UTP25: variants seen among roughly 807,000 people sequenced by gnomAD.
The protein encoded by UTP25 is UTP25 small subunit processome component.
A neutral mutation model predicts 78.9 loss-of-function variants in UTP25; 50 were observed. That is an observed-to-expected ratio of 0.63 (90% CI 0.50 to 0.80). UTP25 has a LOEUF of 0.80. UTP25 is among the 30% of genes least tolerant of loss of function. The pLI, the probability that UTP25 is intolerant of heterozygous loss-of-function variation, is 0.00. For missense variants in UTP25, 846 were observed against 911.3 expected, an observed-to-expected ratio of 0.93 and a Z score of 0.92; for synonymous variants, 329 against 336.5, an observed-to-expected ratio of 0.98 and a Z score of 0.24.
In UTP25 at chr1:209,851,735, A is replaced by C; in HGVS notation, c.*288A>C. On this transcript the variant is annotated 3_prime_UTR_variant, in exon 12 of 12. Coordinates refer to ENST00000491415, the MANE Select transcript of UTP25 (RefSeq NM_014388.7). ...CTTGTGAATATTTTTGTGAGACATA[A>C]ATTCTTTTATTACGATTTACCTCTA... The C allele has an allele frequency of 3.7e-6, 1 of 267,854 alleles. No homozygotes were observed. Among genetic ancestry groups the C allele is most frequent in the Non-Finnish European group, 7.1e-6 (1 of 141,762 alleles). 16.6% of individuals were successfully genotyped at this position (267,854 alleles called of 1,614,324 possible).
intron 11 of UTP25, among the ~76,000 whole-genome samples, chr1:209,849,223 G>T (rs971363427): frequency 6.6e-6 from 1 of 152,106 alleles, no homozygotes; most frequent in Non-Finnish European, 1.5e-5. Context: ...TTCCTGCCCC[G>T]CTACCTCCGT....
intron 4 of UTP25, among the ~76,000 whole-genome samples, chr1:209,834,818 C>G (rs947376053): frequency 6.6e-6 from 1 of 152,090 alleles, no homozygotes; most frequent in African/African-American, 2.4e-5. Context: ...GGAGGTATAT[C>G]CTAAAGTGCT....
At chr1:209,829,775 C>T (rs1391844337) in intron 1 of UTP25, among the ~76,000 whole-genome samples, 6 of 152,066 alleles carry the variant, frequency 3.9e-5, no homozygotes, top group Admixed American at 1.3e-4. Flanking sequence ...TATGAGCCAC[C>T]GCTCCCAGCT....
At chr1:209,835,655 G>T (rs2078129020) in intron 5 of UTP25, among the ~76,000 whole-genome samples, 1 of 152,050 alleles carries the variant, frequency 6.6e-6, no homozygotes, top group Non-Finnish European at 1.5e-5. Flanking sequence ...TTGCTTCTTT[G>T]TTCTTACCAC....
chr1:209,833,263 A>G lies in UTP25; in HGVS notation c.467A>G (p.Glu156Gly). 2 of 1,610,880 alleles carry G rather than the reference A, an allele frequency of 1.2e-6. No individual in the cohort carries two copies. The highest frequency in any genetic ancestry group is 1.7e-6 in the Non-Finnish European group (2 of 1,178,904). The change falls in exon 4 of 12, where the codon GAG becomes GGG. Residue 156 changes from glutamate to glycine, a missense_variant. Physicochemically the swap from Glu to Gly is moderately conservative, Grantham distance 98. Coordinates refer to ENST00000491415, the MANE Select transcript of UTP25 (RefSeq NM_014388.7). ...PPGTSQTSPE[E>G]FTDAKHESLF... is the part of the protein sequence containing the mutation. ...GGCACATCACAAACATCCCCCGAAGAGTTCACAGATGCAAAACACGAGTCA... is the reference window on the plus strand; with the variant it reads ...GGCACATCACAAACATCCCCCGAAGGGTTCACAGATGCAAAACACGAGTCA...
chr1:209,857,091 G>A lies in UTP25; in HGVS notation c.*5644G>A, dbSNP rs1466871542. On this transcript the variant is annotated 3_prime_UTR_variant, in exon 12 of 12. Transcript: ENST00000491415. ...CACTTGATCCGTGAATTACCTATAGGTCATCCCTAAGAGGTGGCCTCCAGC... is the reference window on the plus strand; with the variant it reads ...CACTTGATCCGTGAATTACCTATAGATCATCCCTAAGAGGTGGCCTCCAGC... 3.3e-5 allele frequency: 5 copies of A among 152,182 alleles called. No individual in the cohort carries two copies. The East Asian group carries it at 9.7e-4, about 29-fold the overall frequency. The allele number at this position is 152,182 out of a possible 1,614,324, so 9.4% of individuals were successfully genotyped here. A position where few individuals can be genotyped will look rare whatever the true frequency, so the allele number is the denominator to read the frequency against.
In UTP25 at chr1:209,848,657, A is replaced by G. The variant is rs1033535173; in HGVS notation, c.2028-2547A>G. 1.1e-4 allele frequency among the ~76,000 whole-genome samples: 16 copies of G among 152,208 alleles called. No individual in the cohort carries two copies. The South Asian group carries it at 1.9e-3, about 18-fold the overall frequency. ...TTATTTGCTCCTTTGCATCTTTTCC[A>G]TATCTTCTCCTGAATTCATAGACAA... On this transcript the variant is annotated intron_variant, in intron 11 of 11. Coordinates refer to ENST00000491415, the MANE Select transcript of UTP25 (RefSeq NM_014388.7).
intron 11 of UTP25, among the ~76,000 whole-genome samples, chr1:209,850,687 A>G (rs1406566822): frequency 3.3e-5 from 5 of 152,216 alleles, no homozygotes; most frequent in African/African-American, 1.2e-4. Context: ...GTCCTTGGGC[A>G]GGGTTTTGTA....
chr1:209,843,803 C>A, intron 11 of UTP25, 107 bp downstream of exon 11: 2 of 1,391,710 alleles, frequency 1.4e-6, no homozygotes, highest in Admixed American at 2.3e-5. Flanking sequence ...GATCATCCCT[C>A]ACTCTCGCAC....
At chr1:209,843,011 G>A (rs1335259867) in intron 10 of UTP25, 4 of 353,522 alleles carry the variant, frequency 1.1e-5, no homozygotes, top group South Asian at 8.4e-5. Flanking sequence ...TTAATTGTAA[G>A]CCCCTCAGGG....
intron 11 of UTP25, among the ~76,000 whole-genome samples, chr1:209,850,702 G>C (rs1433817913): frequency 2.0e-5 from 3 of 152,202 alleles, no homozygotes; most frequent in Non-Finnish European, 4.4e-5. Context: ...TTTGTAAATG[G>C]ATGAACTTGG....
At position 209,831,026 on chromosome 1, in the gene UTP25, C is replaced by T. The variant is rs753683602; in HGVS notation, c.371C>T (p.Ser124Phe). Reference protein sequence around the residue: ...VSVEEEMAAESTESPENVALS... With the variant: ...VSVEEEMAAEFTESPENVALS... ...GTGGAAGAAGAGATGGCTGCAGAGT[C>T]TACTGAAAGTCCAGAGAGTAAGTGT... Residue 124 changes from serine to phenylalanine, a missense_variant, in exon 3 of 12, where the codon TCT becomes TTT. Transcript: ENST00000491415. The T allele has an allele frequency of 6.2e-7, 1 of 1,613,998 alleles. No individual in the cohort carries two copies. The highest frequency in any genetic ancestry group is 8.5e-7 in the Non-Finnish European group (1 of 1,180,000).
intron 3 of UTP25, among the ~76,000 whole-genome samples, chr1:209,831,412 A>T (rs901737287): frequency 1.1e-4 from 16 of 152,320 alleles, no homozygotes; most frequent in African/African-American, 3.8e-4. Flanking sequence ...AAATATATAT[A>T]AAAAATTTCA....
chr1:209,848,701 C>T (rs1453660369), intron 11 of UTP25, among the ~76,000 whole-genome samples: 1 of 152,184 alleles, frequency 6.6e-6, no homozygotes, highest in Non-Finnish European at 1.5e-5. Flanking sequence ...ATGCTCCATT[C>T]ACCTATTTCT....
chr1:209,835,142 C>T lies in UTP25; in HGVS notation c.630C>T (p.Pro210=), dbSNP rs780923080. 1 of 1,613,628 alleles carries T rather than the reference C, an allele frequency of 6.2e-7. No homozygotes were observed. The highest frequency in any genetic ancestry group is 8.5e-7 in the Non-Finnish European group (1 of 1,179,658). Residue 210 remains proline (P), a synonymous_variant, in exon 5 of 12, where the codon CCC becomes CCT. Transcript: ENST00000491415. ...EKAIQAVATN[P]KTTHELKWPI... is the part of the protein sequence containing the mutation. ...CAATTCAGGCTGTTGCCACAAATCC[C>T]AAAACTACCCACGAGCTTAAAGTAA...
rs1224612942 is a variant in UTP25, at chr1:209,830,888, C to A, written c.233C>A (p.Thr78Lys). 2 of 1,614,018 alleles carry A rather than the reference C, an allele frequency of 1.2e-6. No homozygotes were observed. Among genetic ancestry groups the A allele is most frequent in the Admixed American group, 3.3e-5 (2 of 60,024 alleles). Residue 78 changes from threonine (T) to lysine (K), a missense_variant, in exon 3 of 12, where the codon ACA becomes AAA. Thr to Lys is a moderately conservative substitution (Grantham distance 78). Transcript: ENST00000491415. The part of the protein sequence containing the change: ...QVSGYHRLLA[T>K]LKNVSEEEEE... ...TCTGGCTACCACAGACTACTTGCTA[C>A]ATTAAAGAATGTTTCTGAGGAAGAA...
intron 8 of UTP25, among the ~76,000 whole-genome samples, chr1:209,841,448 G>C (rs956272429): frequency 1.3e-5 from 2 of 152,148 alleles, no homozygotes; most frequent in Admixed American, 6.5e-5. Context: ...GTTTTGTTTG[G>C]TCTTTGGTGA....
intron 3 of UTP25, 92 bp from the exon 4 acceptor site, chr1:209,833,093 C>T (rs655713): frequency 0.72 from 865,598 of 1,201,428 alleles, 316,077 homozygotes; most frequent in Non-Finnish European, 0.75. Flanking sequence ...TCAATGAACG[C>T]TATTGTTGGT....
chr1:209,836,491 GA>G (rs1231782246), intron 5 of UTP25, among the ~76,000 whole-genome samples: 4 of 152,178 alleles, frequency 2.6e-5, no homozygotes, highest in African/African-American at 7.2e-5. Flanking sequence ...ACTCTTCCCA[GA>G]ATATATTCCA....
Sources: allele counts gnomAD v4.1 joint callset (sites outside exome capture counted in the v4.1 genomes callset), GRCh38; gene constraint gnomAD v4.1.1; transcripts MANE v1.5; gene names NCBI Gene and HGNC (gene_info 2026-07-23, HGNC 2026-07-21).